USP36: variants seen among roughly 807,000 people sequenced by gnomAD.
USP36 encodes the protein ubiquitin carboxyl-terminal hydrolase 36.
In USP36, 59 loss-of-function variants were observed where a neutral mutation model predicts 111.5. The observed-to-expected ratio is 0.53, with a 90% CI of 0.43 to 0.66. The LOEUF (loss-of-function observed/expected upper bound fraction) is 0.66, where lower values mean the gene tolerates loss of function less well. Among genes scored for constraint, USP36 ranks in the 30% least tolerant of loss-of-function variants. USP36 has a pLI of 0.00. For synonymous variants in USP36, 628 were observed against 581.0 expected (o/e 1.08, Z -1.16); for missense variants, 1,488 against 1,468.0 (o/e 1.01, Z -0.22).
Position 78,798,350 on chromosome 17 carries a change from C to A in USP36, c.*20+50G>T. On this transcript the variant is annotated intron_variant, in intron 20 of 20. Transcript: ENST00000449938. The surrounding 1 kb of genome is among the most constrained non-coding windows in gnomAD (Gnocchi z 5.1). ...CCCACCACACCCCTACACACATACA[C>A]GGCACACACACCCCCACCTCACCCT... 6.2e-7 allele frequency: 1 copy of A among 1,600,996 alleles called. No homozygotes were observed. The highest frequency in any genetic ancestry group is 8.5e-7 in the Non-Finnish European group (1 of 1,175,302).
downstream of USP36, chr17:78,791,798 A>G (rs1363093674): frequency 6.6e-6 from 1 of 152,244 alleles, no homozygotes; most frequent in Non-Finnish European, 1.5e-5. Context: ...TCTTGCCTTA[A>G]AAGATTGTCC....
At position 78,812,963 on chromosome 17, in the gene USP36, G is replaced by A; in HGVS notation, c.1304C>T (p.Ser435Phe). ...GGGAAGGGAGGAGGAGCCTGTCCTG[G>A]AGATGAGGCCCTCGGGACTTTTCTT... ...GSKKSPEGLI[S>F]RTGSSSLPGR... The change falls in exon 13 of 21, where the codon TCC (serine) becomes TTC (phenylalanine). Residue 435 changes from serine to phenylalanine, a missense_variant. By Grantham distance (155) the Ser-to-Phe change is radical. This residue lies in a region of USP36 where 1,073 missense variants were observed against 994.1 expected (regional missense o/e 1.08). Transcript: ENST00000449938. 1 of 1,614,126 alleles carries A rather than the reference G, an allele frequency of 6.2e-7. No individual in the cohort carries two copies. The highest frequency in any genetic ancestry group is 8.5e-7 in the Non-Finnish European group (1 of 1,180,012).
chr17:78,820,915 A>G, intron 8 of USP36, 76 bp downstream of exon 8: 7 of 1,466,664 alleles, frequency 4.8e-6, no homozygotes, highest in Non-Finnish European at 6.5e-6. Context: ...TGATGCCTTT[A>G]CTGTTCTGCG....
In USP36 at chr17:78,798,202, T is replaced by A; in HGVS notation, c.*20+198A>T. On this transcript the variant is annotated intron_variant, in intron 20 of 20. Transcript: ENST00000449938. The surrounding 1 kb of genome is among the most constrained non-coding windows in gnomAD (Gnocchi z 5.1). Reference sequence around the variant, plus strand: ...ACACACACCCCCTTATACACACGCATCCCACACACACCCTTCTCCAAGTGA... The same window carrying A: ...ACACACACCCCCTTATACACACGCAACCCACACACACCCTTCTCCAAGTGA... 1 of 628,478 alleles carries A rather than the reference T, an allele frequency of 1.6e-6. No homozygotes were observed. The highest frequency in any genetic ancestry group is 3.0e-5 in the Admixed American group (1 of 32,842). The allele number at this position is 628,478 out of a possible 1,614,324, so 38.9% of individuals were successfully genotyped here.
intron 5 of USP36, among the ~76,000 whole-genome samples, chr17:78,827,862 T>C (rs2067715473): frequency 6.6e-6 from 1 of 152,130 alleles, no homozygotes; most frequent in Non-Finnish European, 1.5e-5. Context: ...TGAGCTATGA[T>C]CTCACCACTG....
At chr17:78,799,877 CTTT>C (rs549964435) in intron 17 of USP36, 109 bp from the exon 18 acceptor site, 3,034 of 154,356 alleles carry the variant, frequency 0.02, 1 homozygote, top group South Asian at 0.03. Flanking sequence ...GGATGCTTGC[CTTT>C]TTTTTTTTTT....
intron 2 of USP36, among the ~76,000 whole-genome samples, chr17:78,837,956 G>A (rs1219612135): frequency 1.3e-5 from 2 of 152,206 alleles, no homozygotes; most frequent in Non-Finnish European, 2.9e-5. Flanking sequence ...GCAGTGGCCT[G>A]GGCCTGTCGT....
chr17:78,836,465 T>C, intron 2 of USP36, 93 bp from the exon 3 acceptor site: 1 of 1,483,138 alleles, frequency 6.7e-7, no homozygotes, highest in Admixed American at 2.3e-5. Context: ...TTATGGATGC[T>C]AGCCACCACA....
At chr17:78,839,115 G>A (rs1405406507) in intron 1 of USP36, among the ~76,000 whole-genome samples, 1 of 152,096 alleles carries the variant, frequency 6.6e-6, no homozygotes, top group Non-Finnish European at 1.5e-5. Flanking sequence ...CAAACCTCAG[G>A]GAGTAATAGG....
At chr17:78,791,235 A>G (rs74980201), downstream of USP36, among the ~76,000 whole-genome samples, 3 of 151,282 alleles carry the variant, frequency 2.0e-5, no homozygotes, top group African/African-American at 4.9e-5. Context: ...CCCGGGTTCA[A>G]GCGATTCTCC....
At chr17:78,802,612 A>C in intron 16 of USP36, 77 bp from the exon 17 acceptor site, 1 of 1,418,630 alleles carries the variant, frequency 7.0e-7, no homozygotes, top group Non-Finnish European at 9.5e-7. Context: ...ACCCGCCTGC[A>C]ACATGGAGAA....
chr17:78,814,335 T>C, intron 11 of USP36, 77 bp downstream of exon 11: 1 of 1,576,712 alleles, frequency 6.3e-7, no homozygotes, highest in Non-Finnish European at 8.6e-7. Context: ...GTAAGTGCTC[T>C]ACAGAGGCCG....
At chr17:78,834,210 G>A (rs999663714) in intron 4 of USP36, among the ~76,000 whole-genome samples, 6 of 149,242 alleles carry the variant, frequency 4.0e-5, no homozygotes, top group Admixed American at 6.7e-5. Flanking sequence ...TCACACCACC[G>A]TACTCCAGCC....
intron 9 of USP36, 108 bp downstream of exon 9, chr17:78,819,822 G>A (rs2094275777): frequency 5.3e-6 from 6 of 1,125,384 alleles, no homozygotes; most frequent in East Asian, 4.7e-5. Flanking sequence ...CAAGAAATGC[G>A]AGCAGCGGTC....
At position 78,803,793 on chromosome 17, in the gene USP36, G is replaced by C; in HGVS notation, c.2402C>G (p.Ala801Gly). 1 of 1,612,898 alleles carries C rather than the reference G, an allele frequency of 6.2e-7. No homozygotes were observed. Among genetic ancestry groups the C allele is most frequent in the Non-Finnish European group, 8.5e-7 (1 of 1,180,008 alleles). Residue 801 changes from alanine (A) to glycine (G), a missense_variant, in exon 16 of 21, where the codon GCC becomes GGC. Coordinates refer to ENST00000449938, the MANE Select transcript of USP36 (RefSeq NM_001385174.1). The surrounding 1 kb of genome is among the most constrained non-coding windows in gnomAD (Gnocchi z 4.6). ...AGAGGGGCTCTGGGGGGGCTCACTGGCCTCTGGCAACTGGTGTGGAAGAGA... is the reference window on the plus strand; with the variant it reads ...AGAGGGGCTCTGGGGGGGCTCACTGCCCTCTGGCAACTGGTGTGGAAGAGA... ...LVSLPHQLPE[A>G]SEPPQSPSEK...
intron 13 of USP36, among the ~76,000 whole-genome samples, chr17:78,812,506 G>A (rs137934093): frequency 1.2e-4 from 18 of 151,916 alleles, no homozygotes; most frequent in East Asian, 1.2e-3. Context: ...TGGCTAACAC[G>A]GTGAAACCCC....
chr17:78,812,991 A>T lies in USP36; in HGVS notation c.1276T>A (p.Ser426Thr), dbSNP rs1275745391. The T allele has an allele frequency of 2.5e-6, 4 of 1,613,878 alleles. No individual in the cohort carries two copies. Among genetic ancestry groups the T allele is most frequent in the Non-Finnish European group, 3.4e-6 (4 of 1,179,980 alleles). The change falls in exon 13 of 21, where the codon TCT becomes ACT. Residue 426 changes from serine (S) to threonine (T), a missense_variant. Physicochemically the swap from Ser to Thr is moderately conservative, Grantham distance 58 (BLOSUM62 1). Around this residue, in one of 3 missense-constraint regions of USP36, gnomAD observed 1,073 missense variants for 994.1 expected, o/e 1.08. Transcript: ENST00000449938. ...ATGAGGCCCTCGGGACTTTTCTTAG[A>T]GCCTGGAATTCTGTCAAAGGAAGAA... ...YVLFYLRIPGSKKSPEGLISR... is the reference protein window; with the variant it reads ...YVLFYLRIPGTKKSPEGLISR...
Position 78,836,219 on chromosome 17 carries a change from A to T in USP36, c.145T>A (p.Phe49Ile). ...KIEFEPASKSFSYQLEALKSK... is the reference protein window; with the variant it reads ...KIEFEPASKSISYQLEALKSK... ...TTTAAGGCCTCCAGCTGGTAGGAGA[A>T]GCTCTTGCTGGCTGGCTCGAACTCG... Residue 49 changes from phenylalanine (F) to isoleucine (I), a missense_variant, in exon 3 of 21, where the codon TTC becomes ATC. Phe to Ile is a conservative substitution (Grantham distance 21). Around this residue, in one of 3 missense-constraint regions of USP36, gnomAD observed 219 missense variants for 209.5 expected, o/e 1.05. Coordinates refer to ENST00000449938, the MANE Select transcript of USP36 (RefSeq NM_001385174.1). The T allele has an allele frequency of 6.2e-7, 1 of 1,614,152 alleles. No homozygotes were observed. The highest frequency in any genetic ancestry group is 8.5e-7 in the Non-Finnish European group (1 of 1,180,032).
In USP36 at chr17:78,803,477, G is replaced by T. The variant is rs1211166344; in HGVS notation, c.2718C>A (p.Asp906Glu). ...VNGQQVGCVT[D>E]GHHASSRKRR... ...GCTTCCTGCTGCTCGCGTGGTGGCC[G>T]TCCGTAACACATCCCACCTGCTGGC... The change falls in exon 16 of 21, where the codon GAC becomes GAA. Residue 906 changes from aspartate (D) to glutamate (E), a missense_variant. Asp to Glu is a conservative substitution (Grantham distance 45). Transcript: ENST00000449938. The surrounding 1 kb of genome is among the most constrained non-coding windows in gnomAD (Gnocchi z 4.6). 6.2e-7 allele frequency: 1 copy of T among 1,613,974 alleles called. No individual in the cohort carries two copies. The highest frequency in any genetic ancestry group is 8.5e-7 in the Non-Finnish European group (1 of 1,180,014).
Sources: allele counts gnomAD v4.1 joint callset (sites outside exome capture counted in the v4.1 genomes callset), GRCh38; gene constraint gnomAD v4.1.1; regional missense constraint gnomAD v4.1.1; non-coding constraint Gnocchi (gnomAD v3.1); transcripts MANE v1.5; gene names NCBI Gene and HGNC (gene_info 2026-07-23, HGNC 2026-07-21).